The following F13B variants were observed in gnomAD, a reference collection of about 807,000 sequenced individuals.
The protein encoded by F13B is coagulation factor XIII B chain.
In F13B, 58 loss-of-function variants were observed where a neutral mutation model predicts 79.8. That is an observed-to-expected ratio of 0.73 (90% confidence interval 0.59 to 0.90). F13B has a LOEUF of 0.90. F13B is among the 40% of genes least tolerant of loss of function. The pLI is 0.00. For missense variants in F13B, 773 were observed against 777.0 expected, an observed-to-expected ratio of 0.99 and a Z score of 0.06; for synonymous variants, 283 against 260.3, an observed-to-expected ratio of 1.09 and a Z score of -0.84.
At chr1:197,055,084 C>A (rs1170787670) in intron 8 of F13B, among the ~76,000 whole-genome samples, 1 of 151,846 alleles carries the variant, frequency 6.6e-6, no homozygotes, top group Non-Finnish European at 1.5e-5. Flanking sequence ...ACCATGTTTA[C>A]AATATATTTT....
chr1:197,040,314 T>G, intron 11 of F13B: 1 of 513,414 alleles, frequency 1.9e-6, no homozygotes, highest in Non-Finnish European at 3.4e-6. Flanking sequence ...TGGCAAACGT[T>G]GCTTTCACTT....
intron 10 of F13B, among the ~76,000 whole-genome samples, chr1:197,049,496 C>T (rs1655362418): frequency 6.6e-6 from 1 of 151,940 alleles, no homozygotes; most frequent in Non-Finnish European, 1.5e-5. Context: ...TTGTAATGAA[C>T]CATCAAGAAA....
At chr1:197,065,974 T>C (rs1287980964) in intron 1 of F13B, among the ~76,000 whole-genome samples, 1 of 144,284 alleles carries the variant, frequency 6.9e-6, no homozygotes, top group African/African-American at 2.4e-5. Flanking sequence ...AAAATCATTG[T>C]CTTGGTCTTC....
chr1:197,046,107 G>C (rs528861451), intron 10 of F13B, among the ~76,000 whole-genome samples: 2 of 152,314 alleles, frequency 1.3e-5, no homozygotes, highest in East Asian at 3.9e-4. Flanking sequence ...ACTGGCACAA[G>C]ACAGGGATGC....
intron 10 of F13B, among the ~76,000 whole-genome samples, chr1:197,047,183 T>C (rs1015545949): frequency 2.0e-5 from 3 of 152,144 alleles, no homozygotes; most frequent in Admixed American, 1.3e-4. Context: ...ACTAAAGAGC[T>C]TCTGCACAGC....
intron 8 of F13B, among the ~76,000 whole-genome samples, chr1:197,054,154 C>G (rs953933980): frequency 6.6e-6 from 1 of 152,044 alleles, no homozygotes; most frequent in African/African-American, 2.4e-5. Context: ...TGCTTTGATT[C>G]ATTAGGACCA....
chr1:197,050,405 A>G (rs1203161500), intron 10 of F13B, among the ~76,000 whole-genome samples: 1 of 152,110 alleles, frequency 6.6e-6, no homozygotes, highest in Non-Finnish European at 1.5e-5. Flanking sequence ...ACCAATCACA[A>G]TGAATGATAA....
Position 197,040,542 on chromosome 1 carries a change from T to G in F13B, c.1932A>C (p.Pro644=), listed in dbSNP as rs776170101. 3 of 1,612,202 alleles carry G rather than the reference T, an allele frequency of 1.9e-6. No individual in the cohort carries two copies. Among genetic ancestry groups the G allele is most frequent in the Non-Finnish European group, 2.5e-6 (3 of 1,179,112 alleles). Residue 644 remains proline (P), a synonymous_variant, in exon 11 of 12, where the codon CCA becomes CCC. Coordinates refer to ENST00000367412, the MANE Select transcript of F13B (RefSeq NM_001994.3). ...MQCDRGQLKY[P]RCIPRQSTLS... ...CTTACCTTTGTCTTGGAATACATCT[T>G]GGATATTTTAACTGCCCTCTGTCAC...
chr1:197,045,640 A>C (rs982386276), intron 10 of F13B, among the ~76,000 whole-genome samples: 7 of 152,210 alleles, frequency 4.6e-5, no homozygotes, highest in African/African-American at 1.7e-4. Flanking sequence ...AAAAGAGGGA[A>C]TCCTCCCTAA....
At position 197,060,531 on chromosome 1, in the gene F13B, A is replaced by G. The variant is rs1272274623; in HGVS notation, c.640T>C (p.Ser214Pro). 3 of 1,585,696 alleles carry G rather than the reference A, an allele frequency of 1.9e-6. No homozygotes were observed. Among genetic ancestry groups the G allele is most frequent in the African/African-American group, 2.7e-5 (2 of 74,008 alleles). Residue 214 changes from serine (S) to proline (P), a missense_variant, in exon 5 of 12, where the codon TCT becomes CCT. Ser to Pro is a moderately conservative substitution (Grantham distance 74). Transcript: ENST00000367412. The stretch of plus-strand genomic sequence containing the variant: ...CCATTTTCAATTAATCTTAAAGAAG[A>G]GCACTTTAATTCTGCAAATAAAAGA... ...LTPKCTKLKC[S>P]SLRLIENGYF... is the part of the protein sequence containing the mutation.
Position 197,063,048 on chromosome 1 carries a change from C to A in F13B, c.74G>T (p.Cys25Phe). 1 of 1,610,900 alleles carries A rather than the reference C, an allele frequency of 6.2e-7. No individual in the cohort carries two copies. The change falls in exon 2 of 12, where the codon TGT (cysteine) becomes TTT (phenylalanine). Residue 25 changes from cysteine (C) to phenylalanine (F), a missense_variant. Coordinates refer to ENST00000367412, the MANE Select transcript of F13B (RefSeq NM_001994.3). ...TCCATTTTCCACATGAGGAAAACCA[C>A]AGGGTTTCTCTGAAATGAGTAAATG... ...SGELYAEEKP[C>F]GFPHVENGRI... is the part of the protein sequence containing the mutation.
chr1:197,061,867 T>C lies in F13B; in HGVS notation c.368A>G (p.Lys123Arg). ...TTCTTCATCCTTCCCTCCAGTGGTT[T>C]TGTACCCTGAAGCGCAACCATAACG... ...NMRYGCASGYKTTGGKDEEVV... is the reference protein window; with the variant it reads ...NMRYGCASGYRTTGGKDEEVV... Residue 123 changes from lysine to arginine, a missense_variant, in exon 3 of 12, where the codon AAA becomes AGA. Coordinates refer to ENST00000367412, the MANE Select transcript of F13B (RefSeq NM_001994.3). The C allele has an allele frequency of 6.2e-7, 1 of 1,613,392 alleles. No homozygotes were observed. The highest frequency in any genetic ancestry group is 8.5e-7 in the Non-Finnish European group (1 of 1,179,622).
intron 10 of F13B, among the ~76,000 whole-genome samples, chr1:197,048,318 CCATTA>C (rs1023513769): frequency 4.6e-5 from 7 of 151,244 alleles, no homozygotes; most frequent in African/African-American, 1.7e-4. Context: ...ATAGACTATT[CCATTA>C]CAAGGGAAAA....
Position 197,052,825 on chromosome 1 carries a change from G to A in F13B, c.1364C>T (p.Thr455Ile). ...TCTGTTCATGTAATCCACATTAACA[G>A]TACATGGTTCTGTAAAACAAAATGC... The part of the protein sequence containing the change: ...SSPPVCLEPC[T>I]VNVDYMNRNN... The change falls in exon 9 of 12, where the codon ACT becomes ATT. Residue 455 changes from threonine to isoleucine, a missense_variant. Physicochemically the swap from Thr to Ile is moderately conservative, Grantham distance 89. Transcript: ENST00000367412. 1 of 1,607,262 alleles carries A rather than the reference G, an allele frequency of 6.2e-7. No homozygotes were observed.
chr1:197,054,074 A>C (rs1054092233), intron 8 of F13B, among the ~76,000 whole-genome samples: 5 of 152,090 alleles, frequency 3.3e-5, no homozygotes, highest in Admixed American at 2.0e-4. Flanking sequence ...TTCCAGTTTC[A>C]ATAGTTACCA....
At chr1:197,059,654 A>G (rs1183809793) in intron 5 of F13B, among the ~76,000 whole-genome samples, 1 of 152,154 alleles carries the variant, frequency 6.6e-6, no homozygotes, top group African/African-American at 2.4e-5. Flanking sequence ...CAGAATCTCT[A>G]ATGTTTATTC....
In F13B at chr1:197,067,217, A is replaced by G. The variant is rs1553323176; in HGVS notation, c.7T>C (p.Leu3=). The G allele has an allele frequency of 1.2e-6, 2 of 1,608,714 alleles. No individual in the cohort carries two copies. The highest frequency in any genetic ancestry group is 1.7e-6 in the Non-Finnish European group (2 of 1,175,732). Residue 3 remains leucine (L), a synonymous_variant, in exon 1 of 12, where the codon TTG becomes CTG. Transcript: ENST00000367412. ...ATGATGATAAAAGTCAGGTTTTTCA[A>G]CCTCATCTTCAGTGGTGTGCTTCAC... The part of the protein sequence containing the change: MR[L]KNLTFIIILI...
Position 197,055,803 on chromosome 1 carries a change from T to C in F13B, c.1266A>G (p.Glu422=). ...LASYATGSSV[E]YRCNEYYLLR... is the part of the protein sequence containing the mutation. The stretch of plus-strand genomic sequence containing the variant: ...GTAAGTAATATTCATTGCATCTATA[T>C]TCCACTGAGGATCCTGTTGCATAGC... The change falls in exon 8 of 12, where the codon GAA becomes GAG. Residue 422 remains glutamate (E), a synonymous_variant. Coordinates refer to ENST00000367412, the MANE Select transcript of F13B (RefSeq NM_001994.3). 6.2e-7 allele frequency: 1 copy of C among 1,613,634 alleles called. No individual in the cohort carries two copies. Among genetic ancestry groups the C allele is most frequent in the Non-Finnish European group, 8.5e-7 (1 of 1,179,756 alleles).
At chr1:197,049,834 G>C (rs1202603524) in intron 10 of F13B, among the ~76,000 whole-genome samples, 2 of 152,016 alleles carry the variant, frequency 1.3e-5, no homozygotes, top group African/African-American at 4.8e-5. Flanking sequence ...CAACCTTGTG[G>C]AATTTCTTAT....
Sources: allele counts gnomAD v4.1 joint callset (sites outside exome capture counted in the v4.1 genomes callset), GRCh38; gene constraint gnomAD v4.1.1; transcripts MANE v1.5; gene names NCBI Gene and HGNC (gene_info 2026-07-23, HGNC 2026-07-21).